GRIK4: variants seen among roughly 807,000 people sequenced by gnomAD.
GRIK4 encodes the protein glutamate receptor ionotropic, kainate 4.
In GRIK4, 40 loss-of-function variants were observed where a neutral mutation model predicts 104.9. The observed-to-expected ratio is 0.38, with a 90% CI of 0.30 to 0.50. GRIK4 has a LOEUF of 0.50. GRIK4 is among the 20% of genes least tolerant of loss of function. The pLI is 0.93. For missense variants in GRIK4, 1,047 were observed against 1,308.1 expected, an observed-to-expected ratio of 0.80 and a Z score of 3.08; for synonymous variants, 485 against 524.9, an observed-to-expected ratio of 0.92 and a Z score of 1.04.
intron 12 of GRIK4, among the ~76,000 whole-genome samples, chr11:120,899,242 C>T (rs1421895118): frequency 6.6e-6 from 1 of 151,782 alleles, no homozygotes; most frequent in Non-Finnish European, 1.5e-5. Context: ...CACGGCGAAA[C>T]CCTGTCTCTA....
chr11:120,593,839 C>T (rs1948767252), intron 1 of GRIK4, among the ~76,000 whole-genome samples: 1 of 152,166 alleles, frequency 6.6e-6, no homozygotes, highest in South Asian at 2.1e-4. Context: ...AATTGTCCAC[C>T]AGTTTACAAG....
intron 3 of GRIK4, among the ~76,000 whole-genome samples, chr11:120,781,406 A>G (rs999885271): frequency 3.9e-5 from 6 of 152,110 alleles, no homozygotes; most frequent in Non-Finnish European, 5.9e-5. Flanking sequence ...GCTAGAGTGC[A>G]GAGTTGCAAC....
intron 3 of GRIK4, among the ~76,000 whole-genome samples, chr11:120,678,018 G>T (rs1232300222): frequency 6.6e-6 from 1 of 152,224 alleles, no homozygotes; most frequent in Non-Finnish European, 1.5e-5. Flanking sequence ...GAAGATGCTG[G>T]ATTTGAGCCA....
Position 120,726,783 on chromosome 11 carries a change from T to TTTG in GRIK4, c.82+66383_82+66384insTTG, listed in dbSNP as rs1252242638. ...GCTGGGGATAAACATTTGAAAGTCA[T>TTTG]CAACAGGAGAGCCTCTGGTAACATA... On this transcript the variant is annotated intron_variant, in intron 3 of 20. Transcript: ENST00000527524. 5.8e-3 allele frequency among the ~76,000 whole-genome samples: 878 copies of TTTG among 152,238 alleles called. 13 individuals are homozygous for TTTG. Among genetic ancestry groups the TTTG allele is most frequent in the African/African-American group, 0.02 (822 of 41,548 alleles).
At chr11:120,915,719 G>A (rs1943091694) in intron 13 of GRIK4, among the ~76,000 whole-genome samples, 1 of 152,148 alleles carries the variant, frequency 6.6e-6, no homozygotes, top group South Asian at 2.1e-4. Flanking sequence ...TCAAAGCCGA[G>A]CCACCAGGAG....
intron 15 of GRIK4, among the ~76,000 whole-genome samples, chr11:120,955,467 C>G (rs1053007066): frequency 1.3e-5 from 2 of 152,340 alleles, no homozygotes; most frequent in African/African-American, 4.8e-5. Context: ...CAGCACCCCG[C>G]CCTCCTGGGG....
intron 3 of GRIK4, among the ~76,000 whole-genome samples, chr11:120,759,212 T>G (rs1951703293): frequency 6.6e-6 from 1 of 152,162 alleles, no homozygotes; most frequent in South Asian, 2.1e-4. Context: ...GAACAGTATG[T>G]GCAAATGGTC....
intron 13 of GRIK4, among the ~76,000 whole-genome samples, chr11:120,934,079 C>T (rs1943539966): frequency 6.6e-6 from 1 of 151,968 alleles, no homozygotes; most frequent in Non-Finnish European, 1.5e-5. Context: ...GTGGCGGGCG[C>T]CTGTAGTCCC....
intron 1 of GRIK4, among the ~76,000 whole-genome samples, chr11:120,604,965 A>G (rs1948940372): frequency 1.3e-5 from 2 of 152,132 alleles, no homozygotes; most frequent in Admixed American, 1.3e-4. Flanking sequence ...TGGCTTTAAG[A>G]AATTATCCTG....
At chr11:120,827,140 T>C (rs1049192301) in intron 6 of GRIK4, among the ~76,000 whole-genome samples, 20 of 152,286 alleles carry the variant, frequency 1.3e-4, no homozygotes, top group Admixed American at 1.1e-3. Context: ...AGGAAGCTTG[T>C]TGAAAGAGGT....
chr11:120,675,019 G>A (rs1047625536), intron 3 of GRIK4, among the ~76,000 whole-genome samples: 43 of 152,366 alleles, frequency 2.8e-4, no homozygotes, highest in Middle Eastern at 3.4e-3. Flanking sequence ...GGAAATTATG[G>A]TTGAATGCCA....
intron 13 of GRIK4, among the ~76,000 whole-genome samples, chr11:120,917,443 C>T (rs1398789010): frequency 2.0e-5 from 3 of 151,896 alleles, no homozygotes; most frequent in Non-Finnish European, 2.9e-5. Context: ...GCTTACAGAC[C>T]GGGCGGTAAA....
chr11:120,840,750 T>TCTGC (rs1366544156), intron 8 of GRIK4, among the ~76,000 whole-genome samples: 2 of 152,190 alleles, frequency 1.3e-5, no homozygotes, highest in Non-Finnish European at 2.9e-5. Flanking sequence ...CAGAAATCAA[T>TCTGC]CTGCCTGCCT....
chr11:120,583,833 T>C (rs1239346386), intron 1 of GRIK4, among the ~76,000 whole-genome samples: 1 of 152,242 alleles, frequency 6.6e-6, no homozygotes, highest in African/African-American at 2.4e-5. Context: ...TATTGAGTCT[T>C]TCTATTCATG....
At chr11:120,603,004 G>A (rs548554045) in intron 1 of GRIK4, among the ~76,000 whole-genome samples, 3 of 152,180 alleles carry the variant, frequency 2.0e-5, no homozygotes, top group Non-Finnish European at 2.9e-5. Flanking sequence ...TACCCGGCCA[G>A]TGTCTTATTA....
intron 1 of GRIK4, among the ~76,000 whole-genome samples, chr11:120,634,524 A>G (rs1949372142): frequency 6.6e-6 from 1 of 151,946 alleles, no homozygotes; most frequent in Non-Finnish European, 1.5e-5. Flanking sequence ...GCCTTTCTGG[A>G]AGGAGCCCTC....
intron 4 of GRIK4, among the ~76,000 whole-genome samples, chr11:120,807,738 C>T (rs1046259596): frequency 3.3e-5 from 5 of 152,176 alleles, no homozygotes; most frequent in African/African-American, 7.2e-5. Flanking sequence ...CTCCCCTTCT[C>T]GGAGCTACCC....
In GRIK4 at chr11:120,882,068, C is replaced by T. The variant is rs528285724; in HGVS notation, c.1164+6825C>T. Among the ~76,000 whole-genome samples the T allele has an allele frequency of 6.6e-5, 10 of 152,274 alleles. No individual in the cohort carries two copies. In the South Asian group the frequency reaches 1.5e-3, roughly 22 times the overall value. On this transcript the variant is annotated intron_variant, in intron 11 of 20. Coordinates refer to ENST00000527524, the MANE Select transcript of GRIK4 (RefSeq NM_014619.5). ...AGATGACATTCTGCACTGACATTGC[C>T]TTCACATGGCATGGAAGAATAGTGA...
At chr11:120,791,332 TTAATTTGCATTTCCC>T (rs1351168538) in intron 3 of GRIK4, among the ~76,000 whole-genome samples, 1 of 152,230 alleles carries the variant, frequency 6.6e-6, no homozygotes, top group Non-Finnish European at 1.5e-5. Flanking sequence ...CATTATGGTT[TTAATTTGCATTTCCC>T]CAGTGACTAA....
Sources: allele counts gnomAD v4.1 joint callset (sites outside exome capture counted in the v4.1 genomes callset), GRCh38; gene constraint gnomAD v4.1.1; transcripts MANE v1.5; gene names NCBI Gene and HGNC (gene_info 2026-07-23, HGNC 2026-07-21).